TYR: variants seen among roughly 807,000 people sequenced by gnomAD.
The protein encoded by TYR is LB24-AB.
A neutral mutation model predicts 51.5 loss-of-function variants in TYR; 58 were observed. The observed-to-expected ratio is 1.13, with a 90% CI of 0.91 to 1.40. TYR has a LOEUF of 1.40. Among genes scored for constraint, TYR ranks in the 40% most tolerant of loss-of-function variants. The pLI, the probability that TYR is intolerant of heterozygous loss-of-function variation, is 0.00. For missense variants in TYR, 732 were observed against 647.4 expected, an observed-to-expected ratio of 1.13 and a Z score of -1.42; for synonymous variants, 263 against 235.2, an observed-to-expected ratio of 1.12 and a Z score of -1.08.
At chr11:89,201,728 T>C (rs1393251020) in intron 2 of TYR, among the ~76,000 whole-genome samples, 1 of 152,202 alleles carries the variant, frequency 6.6e-6, no homozygotes, top group Non-Finnish European at 1.5e-5. Context: ...CACATCATAG[T>C]ATCATTAGGA....
At chr11:89,211,074 T>G (rs751823373) in intron 2 of TYR, among the ~76,000 whole-genome samples, 22 of 152,112 alleles carry the variant, frequency 1.4e-4, no homozygotes, top group Non-Finnish European at 2.5e-4. Flanking sequence ...AAATAACCAG[T>G]TAGCATCATA....
chr11:89,236,630 T>C (rs2135288111), intron 3 of TYR, among the ~76,000 whole-genome samples: 1 of 152,342 alleles, frequency 6.6e-6, no homozygotes, highest in Admixed American at 6.5e-5. Flanking sequence ...TGAGCCATCC[T>C]CTCAAGTTGC....
At chr11:89,261,357 T>C (rs1329735817) in intron 3 of TYR, among the ~76,000 whole-genome samples, 1 of 151,626 alleles carries the variant, frequency 6.6e-6, no homozygotes, top group Non-Finnish European at 1.5e-5. Flanking sequence ...CACAGATAGG[T>C]TGAAAAGAAA....
At chr11:89,275,909 C>T (rs769955517) in intron 3 of TYR, among the ~76,000 whole-genome samples, 9 of 151,960 alleles carry the variant, frequency 5.9e-5, no homozygotes, top group South Asian at 4.1e-4. Flanking sequence ...ACAGAGAAAC[C>T]TTCAGGCTGA....
At chr11:89,228,785 T>A (rs1944007144) in intron 3 of TYR, among the ~76,000 whole-genome samples, 1 of 152,154 alleles carries the variant, frequency 6.6e-6, no homozygotes, top group Non-Finnish European at 1.5e-5. Flanking sequence ...TGTAATGTCT[T>A]AGATATATTA....
At chr11:89,256,052 A>G (rs1944387185) in intron 3 of TYR, among the ~76,000 whole-genome samples, 1 of 151,732 alleles carries the variant, frequency 6.6e-6, no homozygotes, top group Non-Finnish European at 1.5e-5. Flanking sequence ...AATTTTACAT[A>G]TGGTTTGTTA....
rs1486883565 is a variant in TYR at position 89,178,231 on chromosome 11, G to C, written c.278G>C (p.Gly93Ala). The change falls in exon 1 of 5, where the codon GGC (glycine) becomes GCC (alanine). Residue 93 changes from glycine (G) to alanine (A), a missense_variant. Physicochemically the swap from Gly to Ala is moderately conservative, Grantham distance 60. Coordinates refer to ENST00000263321, the MANE Select transcript of TYR (RefSeq NM_000372.5). ...TATAATAGGACCTGCCAGTGCTCTGGCAACTTCATGGGATTCAACTGTGGA... is the reference window on the plus strand; with the variant it reads ...TATAATAGGACCTGCCAGTGCTCTGCCAACTTCATGGGATTCAACTGTGGA... Reference protein sequence around the residue: ...VFYNRTCQCSGNFMGFNCGNC... With the variant: ...VFYNRTCQCSANFMGFNCGNC... The C allele has an allele frequency of 6.2e-7, 1 of 1,614,170 alleles. No individual in the cohort carries two copies. Among genetic ancestry groups the C allele is most frequent in the Non-Finnish European group, 8.5e-7 (1 of 1,180,026 alleles).
intron 2 of TYR, among the ~76,000 whole-genome samples, chr11:89,222,354 C>T (rs1943923046): frequency 6.6e-6 from 1 of 152,056 alleles, no homozygotes; most frequent in Non-Finnish European, 1.5e-5. Flanking sequence ...GGTATGAGAG[C>T]TAAGCATCAA....
chr11:89,225,647 A>G (rs971653382), intron 2 of TYR, among the ~76,000 whole-genome samples: 16 of 151,898 alleles, frequency 1.1e-4, no homozygotes, highest in African/African-American at 3.9e-4. Flanking sequence ...GGATGATGGA[A>G]TCAAATAATT....
At chr11:89,254,330 A>C (rs146949042) in intron 3 of TYR, among the ~76,000 whole-genome samples, 100 of 151,756 alleles carry the variant, frequency 6.6e-4, no homozygotes, top group South Asian at 1.5e-3. Flanking sequence ...TGTTCGGGTG[A>C]TACTGTCTTC....
chr11:89,200,149 C>G (rs1943577889), intron 2 of TYR: 1 of 152,236 alleles, frequency 6.6e-6, no homozygotes, highest in African/African-American at 2.4e-5. Flanking sequence ...AATCTTGGCT[C>G]ACTGAAACCT....
chr11:89,256,919 A>G (rs958633229), intron 3 of TYR, among the ~76,000 whole-genome samples: 3 of 151,838 alleles, frequency 2.0e-5, no homozygotes, highest in African/African-American at 7.3e-5. Flanking sequence ...ACAGAACTAG[A>G]TCTCAGATTT....
rs763529635 is a variant in TYR at position 89,178,275 on chromosome 11, T to C, written c.322T>C (p.Trp108Arg). The change falls in exon 1 of 5, where the codon TGG becomes CGG. Residue 108 changes from tryptophan to arginine, a missense_variant. Trp to Arg is a moderately radical substitution (Grantham distance 101). Transcript: ENST00000263321. ...FNCGNCKFGF[W>R]GPNCTERRLL... ...CTGTGGAAACTGCAAGTTTGGCTTTTGGGGACCAAACTGCACAGAGAGACG... is the reference window on the plus strand; with the variant it reads ...CTGTGGAAACTGCAAGTTTGGCTTTCGGGGACCAAACTGCACAGAGAGACG... 1 of 1,614,200 alleles carries C rather than the reference T, an allele frequency of 6.2e-7. No individual in the cohort carries two copies. The highest frequency in any genetic ancestry group is 8.5e-7 in the Non-Finnish European group (1 of 1,180,042).
intron 3 of TYR, among the ~76,000 whole-genome samples, chr11:89,280,835 A>G (rs890790260): frequency 3.3e-5 from 5 of 151,650 alleles, no homozygotes; most frequent in African/African-American, 9.7e-5. Context: ...GGAGTTGCAC[A>G]ATGTTTAAAT....
chr11:89,191,220 G>T lies in TYR; in HGVS notation c.838G>T (p.Glu280Ter), dbSNP rs1321772595. 2 of 1,613,480 alleles carry T rather than the reference G, an allele frequency of 1.2e-6. No individual in the cohort carries two copies. Among genetic ancestry groups the T allele is most frequent in the Non-Finnish European group, 1.7e-6 (2 of 1,179,654 alleles). ...SSWQIVCSRL[E>*]EYNSHQSLCN... The stretch of plus-strand genomic sequence containing the variant: ...TGTACAGATTGTCTGTAGCCGATTG[G>T]AGGAGTACAACAGCCATCAGTCTTT... The change falls in exon 2 of 5, where the codon GAG becomes TAG. Residue 280 changes from glutamate (E) to a stop codon, truncating the protein, a stop_gained. Transcript: ENST00000263321. LOFTEE classifies it high-confidence loss of function.
intron 1 of TYR, among the ~76,000 whole-genome samples, chr11:89,189,541 T>C (rs17793750): frequency 0.021 from 3,174 of 152,104 alleles, 52 homozygotes; most frequent in Middle Eastern, 0.062. Context: ...ATAATATAGA[T>C]TAATGTTTTT....
At chr11:89,245,058 T>G (rs4121398) in intron 3 of TYR, among the ~76,000 whole-genome samples, 3 of 152,184 alleles carry the variant, frequency 2.0e-5, no homozygotes, top group Admixed American at 6.5e-5. Flanking sequence ...AGATAGTCAA[T>G]GAATAGCCGT....
rs1438132279 is a variant in TYR, at chr11:89,229,567, AAG to A, written c.1184+1599_1184+1600del. ...CACAATTAGCAATTAGGCAAAAAAA[AAG>A]AAAAAGAAAAACTATCAAAATATGA... is the stretch of plus-strand genomic sequence containing the variant. On this transcript the variant is annotated intron_variant, in intron 3 of 4. Transcript: ENST00000263321. Among the ~76,000 whole-genome samples, 587 of 151,848 alleles carry A rather than the reference AAG, an allele frequency of 3.9e-3. 5 individuals carry two copies. Among genetic ancestry groups the A allele is most frequent in the African/African-American group, 0.014 (562 of 41,284 alleles).
chr11:89,253,682 C>T (rs1475122325), intron 3 of TYR, among the ~76,000 whole-genome samples: 8 of 145,458 alleles, frequency 5.5e-5, no homozygotes, highest in South Asian at 2.1e-4. Context: ...TTTTGTATAA[C>T]GAAACTTTGC....
Sources: allele counts gnomAD v4.1 joint callset (sites outside exome capture counted in the v4.1 genomes callset), GRCh38; gene constraint gnomAD v4.1.1; transcripts MANE v1.5; gene names NCBI Gene and HGNC (gene_info 2026-07-23, HGNC 2026-07-21).